DESI2: variants seen among roughly 807,000 people sequenced by gnomAD.
The protein encoded by DESI2 is deubiquitinase DESI2.
DESI2 carries 10 observed loss-of-function variants against 24.1 expected under a neutral mutation model. The observed-to-expected ratio is 0.41, with a 90% confidence interval of 0.26 to 0.70. DESI2 has a LOEUF of 0.70. Among genes scored for constraint, DESI2 ranks in the 30% least tolerant of loss-of-function variants. DESI2 has a pLI of 0.29. For missense variants in DESI2, 122 were observed against 234.9 expected, an observed-to-expected ratio of 0.52 and a Z score of 3.14; for synonymous variants, 71 against 87.7, an observed-to-expected ratio of 0.81 and a Z score of 1.06.
intron 4 of DESI2, among the ~76,000 whole-genome samples, chr1:244,704,936 G>C (rs776249610): frequency 2.3e-4 from 35 of 152,272 alleles, no homozygotes; most frequent in Admixed American, 1.4e-3. Flanking sequence ...GGTATTACAG[G>C]TGTGAGCCAC....
chr1:244,659,199 G>T (rs1465117301), intron 1 of DESI2, among the ~76,000 whole-genome samples: 1 of 151,506 alleles, frequency 6.6e-6, no homozygotes, highest in Non-Finnish European at 1.5e-5. Flanking sequence ...AGGGGGGAAG[G>T]GGGTGGGGGA....
At chr1:244,683,558 A>T (rs374048439) in intron 1 of DESI2, among the ~76,000 whole-genome samples, 3 of 152,030 alleles carry the variant, frequency 2.0e-5, no homozygotes, top group Non-Finnish European at 2.9e-5. Flanking sequence ...TGATCCGCCC[A>T]CCTCAGCCTC....
In DESI2 at chr1:244,708,747, CTCTT is replaced by C. The variant is rs1464060794; in HGVS notation, c.*2962_*2965del. ...CAAGCTAGCCATACAACCATTGTATCTCTTTCTCTTCAGTATGGTTTAGAGCCCA... is the reference window on the plus strand; with the variant it reads ...CAAGCTAGCCATACAACCATTGTATCTCTCTTCAGTATGGTTTAGAGCCCA... On this transcript the variant is annotated 3_prime_UTR_variant, in exon 5 of 5. Transcript: ENST00000302550. 1.3e-5 allele frequency: 2 copies of C among 152,580 alleles called. No homozygotes were observed. Among genetic ancestry groups the C allele is most frequent in the Admixed American group, 6.5e-5 (1 of 15,282 alleles). 9.5% of individuals were successfully genotyped at this position (152,580 alleles called of 1,614,324 possible).
intron 4 of DESI2, among the ~76,000 whole-genome samples, chr1:244,697,523 A>G (rs1677268654): frequency 6.6e-6 from 1 of 151,412 alleles, no homozygotes; most frequent in Non-Finnish European, 1.5e-5. Context: ...TGAAATGGGT[A>G]GAGGTATGGA....
At chr1:244,654,574 A>G (rs961087305) in intron 1 of DESI2, among the ~76,000 whole-genome samples, 1 of 152,194 alleles carries the variant, frequency 6.6e-6, no homozygotes, top group Admixed American at 6.5e-5. Flanking sequence ...CCTGGAGATG[A>G]AAGGAGATGA....
chr1:244,666,412 C>T (rs868501563), intron 1 of DESI2, among the ~76,000 whole-genome samples: 1 of 152,178 alleles, frequency 6.6e-6, no homozygotes, highest in Non-Finnish European at 1.5e-5. Context: ...TTACTTTCTA[C>T]TCTATCACTC....
chr1:244,655,995 T>C (rs1675634849), intron 1 of DESI2, among the ~76,000 whole-genome samples: 2 of 152,244 alleles, frequency 1.3e-5, no homozygotes, highest in African/African-American at 4.8e-5. Flanking sequence ...AATTTTGGTC[T>C]GTTATACTAA....
chr1:244,668,165 C>T (rs1227764365), intron 1 of DESI2, among the ~76,000 whole-genome samples: 2 of 152,194 alleles, frequency 1.3e-5, no homozygotes, highest in Non-Finnish European at 2.9e-5. Context: ...GTTCTGGACA[C>T]AGCAGAAGAG....
rs983899771 is a variant in DESI2 at position 244,707,254 on chromosome 1, A to G, written c.*1465A>G. Reference sequence around the variant, plus strand: ...GTGTGAGGATACATAATCTTTCAGTAAACTGTATTTTTAACTTTTCCATAA... The same window carrying G: ...GTGTGAGGATACATAATCTTTCAGTGAACTGTATTTTTAACTTTTCCATAA... On this transcript the variant is annotated 3_prime_UTR_variant, in exon 5 of 5. Transcript: ENST00000302550. 4.6e-5 allele frequency: 7 copies of G among 152,612 alleles called. No homozygotes were observed. Among genetic ancestry groups the G allele is most frequent in the African/African-American group, 1.7e-4 (7 of 41,444 alleles). The allele number at this position is 152,612 out of a possible 1,614,324, so 9.5% of individuals were successfully genotyped here.
At chr1:244,681,288 T>A (rs1676603586) in intron 1 of DESI2, among the ~76,000 whole-genome samples, 1 of 152,208 alleles carries the variant, frequency 6.6e-6, no homozygotes, top group Admixed American at 6.5e-5. Context: ...TTTATACAGA[T>A]GCTTCCCGTT....
chr1:244,663,763 A>C (rs1016253657), intron 1 of DESI2, among the ~76,000 whole-genome samples: 9 of 152,014 alleles, frequency 5.9e-5, no homozygotes, highest in Non-Finnish European at 2.9e-5. Flanking sequence ...TCACGCCTGT[A>C]ATCCCAGCAC....
intron 1 of DESI2, among the ~76,000 whole-genome samples, chr1:244,660,057 GATAA>G (rs1479577959): frequency 6.6e-6 from 1 of 152,184 alleles, no homozygotes; most frequent in Non-Finnish European, 1.5e-5. Flanking sequence ...TATAATGGTG[GATAA>G]AGTTAACAAA....
intron 1 of DESI2, among the ~76,000 whole-genome samples, chr1:244,683,583 T>C (rs377666487): frequency 2.3e-3 from 352 of 152,220 alleles, no homozygotes; most frequent in Non-Finnish European, 3.6e-3. Context: ...AGTGCTGGGA[T>C]TACAGGCGTG....
At chr1:244,661,664 G>GT (rs1675849688) in intron 1 of DESI2, among the ~76,000 whole-genome samples, 4 of 152,028 alleles carry the variant, frequency 2.6e-5, no homozygotes, top group Non-Finnish European at 4.4e-5. Context: ...GCGGTGTTTG[G>GT]TTTTTTGTCC....
chr1:244,674,871 T>A (rs922495610), intron 1 of DESI2, among the ~76,000 whole-genome samples: 7 of 152,244 alleles, frequency 4.6e-5, no homozygotes, highest in African/African-American at 1.7e-4. Context: ...CTTGGGCATA[T>A]GCCTAGAAAT....
At chr1:244,660,866 A>C (rs1675816770) in intron 1 of DESI2, among the ~76,000 whole-genome samples, 1 of 152,212 alleles carries the variant, frequency 6.6e-6, no homozygotes, top group South Asian at 2.1e-4. Flanking sequence ...TTATTACCAC[A>C]CTGTTTTAAT....
intron 1 of DESI2, among the ~76,000 whole-genome samples, chr1:244,662,705 G>T (rs1157076164): frequency 1.3e-5 from 2 of 152,134 alleles, no homozygotes; most frequent in Non-Finnish European, 2.9e-5. Context: ...GGATGGTATA[G>T]TTACCGGTTA....
intron 1 of DESI2, among the ~76,000 whole-genome samples, chr1:244,669,262 G>A (rs546405224): frequency 6.6e-6 from 1 of 151,532 alleles, no homozygotes; most frequent in East Asian, 1.9e-4. Context: ...CTCCCAAAGT[G>A]CTGGGATTAC....
chr1:244,685,483 A>T (rs988566274), intron 1 of DESI2, among the ~76,000 whole-genome samples: 32 of 152,186 alleles, frequency 2.1e-4, no homozygotes, highest in African/African-American at 7.2e-4. Context: ...CAATTTCTAG[A>T]TGGGAAAATT....
Sources: allele counts gnomAD v4.1 joint callset (sites outside exome capture counted in the v4.1 genomes callset), GRCh38; gene constraint gnomAD v4.1.1; transcripts MANE v1.5; gene names NCBI Gene and HGNC (gene_info 2026-07-23, HGNC 2026-07-21).